The following MLLT3 variants were observed in gnomAD, a reference collection of about 807,000 sequenced individuals.
MLLT3 encodes MLLT3 super elongation complex subunit, also known as protein AF-9.
MLLT3 carries 4 observed loss-of-function variants against 53.2 expected under a neutral mutation model. The ratio of observed to expected loss-of-function variants is 0.08; its 90% CI spans 0.04 to 0.17. The LOEUF is 0.17. MLLT3 is among the 10% of genes least tolerant of loss of function. The pLI, the probability that MLLT3 is intolerant of heterozygous loss-of-function variation, is 1.00. For synonymous variants in MLLT3, 283 were observed against 230.6 expected, an observed-to-expected ratio of 1.23 and a Z score of -2.06; for missense variants, 569 against 684.0, an observed-to-expected ratio of 0.83 and a Z score of 1.87.
chr9:20,606,605 G>A (rs974215214), intron 2 of MLLT3, among the ~76,000 whole-genome samples: 2 of 152,098 alleles, frequency 1.3e-5, no homozygotes, highest in African/African-American at 4.8e-5. Flanking sequence ...TAGGGAGTGT[G>A]GGAGGTGGAG....
chr9:20,376,130 CAG>C (rs1400169529), intron 5 of MLLT3, among the ~76,000 whole-genome samples: 1 of 152,140 alleles, frequency 6.6e-6, no homozygotes, highest in Non-Finnish European at 1.5e-5. Flanking sequence ...AAGCTGTTAA[CAG>C]CTCTTTCTTT....
chr9:20,415,704 G>A (rs1822853665), intron 4 of MLLT3, among the ~76,000 whole-genome samples: 1 of 152,036 alleles, frequency 6.6e-6, no homozygotes, highest in African/African-American at 2.4e-5. Context: ...ACACAGGACA[G>A]TAAGCAAGCA....
intron 2 of MLLT3, chr9:20,533,153 C>A: frequency 7.2e-6 from 2 of 277,226 alleles, no homozygotes; most frequent in Non-Finnish European, 1.4e-5. Flanking sequence ...AAGACCTGCA[C>A]CACCGTCACC....
chr9:20,565,595 A>C (rs1007228631), intron 2 of MLLT3, among the ~76,000 whole-genome samples: 1 of 152,088 alleles, frequency 6.6e-6, no homozygotes, highest in Non-Finnish European at 1.5e-5. Flanking sequence ...ACAGTTATCT[A>C]TACCATGAGT....
At chr9:20,578,540 G>A (rs184615817) in intron 2 of MLLT3, among the ~76,000 whole-genome samples, 1 of 152,014 alleles carries the variant, frequency 6.6e-6, no homozygotes, top group East Asian at 1.9e-4. Flanking sequence ...AAGAAGAGAA[G>A]ATGGGAAACA....
At chr9:20,589,463 T>C (rs57317395) in intron 2 of MLLT3, among the ~76,000 whole-genome samples, 2,147 of 140,880 alleles carry the variant, frequency 0.015, 68 homozygotes, top group African/African-American at 0.055. Context: ...AGGGATAGCA[T>C]TGGGAGATAT....
intron 2 of MLLT3, among the ~76,000 whole-genome samples, chr9:20,611,592 A>G (rs1290729251): frequency 6.6e-6 from 1 of 152,148 alleles, no homozygotes; most frequent in African/African-American, 2.4e-5. Context: ...ATTAAAGGTA[A>G]CTAATTATAT....
intron 5 of MLLT3, among the ~76,000 whole-genome samples, chr9:20,384,001 T>G (rs763888391): frequency 4.6e-5 from 7 of 152,042 alleles, no homozygotes; most frequent in Non-Finnish European, 1.0e-4. Flanking sequence ...GTGAAACTTA[T>G]TTAGGGCATC....
At position 20,421,303 on chromosome 9, in the gene MLLT3, T is replaced by C. The variant is rs561785301; in HGVS notation, c.421-6878A>G. Among the ~76,000 whole-genome samples the C allele has an allele frequency of 1.2e-4, 18 of 151,424 alleles. No individual in the cohort carries two copies. The South Asian group carries it at 3.8e-3, about 32-fold the overall frequency. On this transcript the variant is annotated intron_variant, in intron 4 of 10. Transcript: ENST00000380338. ...AATAAATAAATTAAAGACAAATAAA[T>C]CAAAAGAAAACAATGAAAATAGCAC... is the stretch of plus-strand genomic sequence containing the variant.
chr9:20,420,888 T>G (rs367725977), intron 4 of MLLT3, among the ~76,000 whole-genome samples: 7 of 152,316 alleles, frequency 4.6e-5, no homozygotes, highest in Non-Finnish European at 8.8e-5. Flanking sequence ...CTGATAAAAA[T>G]CAATCATAAG....
intron 2 of MLLT3, among the ~76,000 whole-genome samples, chr9:20,599,872 T>G (rs779298153): frequency 2.0e-5 from 3 of 152,186 alleles, no homozygotes; most frequent in Non-Finnish European, 4.4e-5. Context: ...GCCACGTCTG[T>G]AAAATAACAA....
chr9:20,505,715 T>A (rs1825364487), intron 2 of MLLT3, among the ~76,000 whole-genome samples: 1 of 152,194 alleles, frequency 6.6e-6, no homozygotes, highest in Non-Finnish European at 1.5e-5. Flanking sequence ...TACAAAGAAG[T>A]GGGCTTGATT....
At chr9:20,476,289 C>T (rs1314614774) in intron 2 of MLLT3, among the ~76,000 whole-genome samples, 2 of 152,074 alleles carry the variant, frequency 1.3e-5, no homozygotes, top group Non-Finnish European at 2.9e-5. Context: ...CAAAGCAGGT[C>T]AGCAGGTTTG....
intron 2 of MLLT3, among the ~76,000 whole-genome samples, chr9:20,486,641 T>C (rs190119189): frequency 8.5e-5 from 13 of 152,172 alleles, no homozygotes; most frequent in Non-Finnish European, 1.5e-5. Flanking sequence ...ACTCCTACAA[T>C]GCAAATTGGT....
At chr9:20,362,497 T>C (rs954816418) in intron 7 of MLLT3, among the ~76,000 whole-genome samples, 3 of 152,224 alleles carry the variant, frequency 2.0e-5, no homozygotes, top group African/African-American at 7.2e-5. Flanking sequence ...TATAAGGCCA[T>C]GGGCATATTA....
chr9:20,564,708 C>T (rs1390206493), intron 2 of MLLT3, among the ~76,000 whole-genome samples: 10 of 152,134 alleles, frequency 6.6e-5, no homozygotes, highest in Non-Finnish European at 2.9e-5. Context: ...ATTAGTTCCG[C>T]AACTATGGCA....
Position 20,414,300 on chromosome 9 carries a change from ACTGCTGCTGCTACTGCTGCTG to A in MLLT3, c.525_545del (p.Ser184_Ser190del). 2 of 1,595,890 alleles carry A rather than the reference ACTGCTGCTGCTACTGCTGCTG, an allele frequency of 1.3e-6. No individual in the cohort carries two copies. The highest frequency in any genetic ancestry group is 1.1e-5 in the South Asian group (1 of 90,420). The stretch of plus-strand genomic sequence containing the variant: ...TACTACTGCTGCTGCTGCTGCTGCT[ACTGCTGCTGCTACTGCTGCTG>A]CTGCTGCTGCTGCTGCTGCTGCTAC... On this transcript the variant is annotated inframe_deletion, in exon 5 of 11. Transcript: ENST00000380338.
intron 2 of MLLT3, chr9:20,502,222 G>C (rs1825263551): frequency 1.3e-5 from 2 of 153,986 alleles, no homozygotes; most frequent in South Asian, 4.1e-4. Flanking sequence ...TGCCTGGCTT[G>C]ACAGGGCACC....
chr9:20,588,186 G>A (rs1406275048), intron 2 of MLLT3, among the ~76,000 whole-genome samples: 2 of 151,842 alleles, frequency 1.3e-5, no homozygotes, highest in African/African-American at 4.8e-5. Flanking sequence ...GCTCTGTTCT[G>A]TTCCATTGAT....
Sources: allele counts gnomAD v4.1 joint callset (sites outside exome capture counted in the v4.1 genomes callset), GRCh38; gene constraint gnomAD v4.1.1; transcripts MANE v1.5; gene names NCBI Gene and HGNC (gene_info 2026-07-23, HGNC 2026-07-21).